The following ANKRD26 variants were observed in gnomAD, a reference collection of about 807,000 sequenced individuals.
ANKRD26 encodes ankyrin repeat domain 26.
A neutral mutation model predicts 208.7 loss-of-function variants in ANKRD26; 141 were observed. The observed-to-expected ratio is 0.68, with a 90% CI of 0.59 to 0.78. The LOEUF (loss-of-function observed/expected upper bound fraction) is 0.78, where lower values mean the gene tolerates loss of function less well. Among genes scored for constraint, ANKRD26 ranks in the 30% least tolerant of loss-of-function variants. The pLI is 0.00. For missense variants in ANKRD26, 1,889 were observed against 1,938.7 expected (o/e 0.97, Z 0.48); for synonymous variants, 636 against 660.4 (o/e 0.96, Z 0.57).
chr10:27,091,969 G>A (rs982394829), intron 4 of ANKRD26, among the ~76,000 whole-genome samples: 1 of 150,308 alleles, frequency 6.7e-6, no homozygotes. Context: ...CCTGAGTGAC[G>A]GGGGAGACTC....
At chr10:27,053,231 G>A in intron 16 of ANKRD26, 89 bp downstream of exon 16, 1 of 934,026 alleles carries the variant, frequency 1.1e-6, no homozygotes. Context: ...TAAAAGGCTA[G>A]TCTGAAAAGT....
chr10:27,097,169 G>A (rs1201868852), intron 1 of ANKRD26, among the ~76,000 whole-genome samples: 2 of 151,608 alleles, frequency 1.3e-5, no homozygotes, highest in Non-Finnish European at 2.9e-5. Flanking sequence ...GCGAAGAAGC[G>A]AGACTTCACC....
At chr10:27,083,873 A>G (rs2056016154) in intron 5 of ANKRD26, among the ~76,000 whole-genome samples, 1 of 152,202 alleles carries the variant, frequency 6.6e-6, no homozygotes, top group East Asian at 1.9e-4. Flanking sequence ...ATTATTTATG[A>G]CTGCTTTCAC....
Position 27,092,436 on chromosome 10 carries a change from G to C in ANKRD26, c.608C>G (p.Ala203Gly), listed in dbSNP as rs754286894. 2 of 1,612,634 alleles carry C rather than the reference G, an allele frequency of 1.2e-6. No homozygotes were observed. Among genetic ancestry groups the C allele is most frequent in the South Asian group, 2.2e-5 (2 of 91,004 alleles). The change falls in exon 4 of 34, where the codon GCA becomes GGA. Residue 203 changes from alanine (A) to glycine (G), a missense_variant. Around this residue, in one of 3 missense-constraint regions of ANKRD26, gnomAD observed 1,272 missense variants for 1,273.8 expected, o/e 1.00. Transcript: ENST00000376087. ...QMVEFLIKKK[A>G]NVNAVDKLES... ...CAACTTATCTACTGCATTTACATTT[G>C]CTTTTTTCTTTATTAAAAATTCCAC...
At chr10:27,088,936 AT>A (rs1216660559) in intron 4 of ANKRD26, among the ~76,000 whole-genome samples, 3 of 152,172 alleles carry the variant, frequency 2.0e-5, no homozygotes, top group African/African-American at 7.2e-5. Context: ...GGAAGGGTCA[AT>A]TTGCTCACTC....
In ANKRD26 at chr10:27,032,635, C is replaced by CAAA. The variant is rs68062291; in HGVS notation, c.3807+587_3807+589dup. 5.5e-3 allele frequency among the ~76,000 whole-genome samples: 746 copies of CAAA among 135,816 alleles called. 2 individuals carry two copies. Among genetic ancestry groups the CAAA allele is most frequent in the Non-Finnish European group, 7.7e-3 (487 of 63,510 alleles). 89.1% of individuals were successfully genotyped at this position (135,816 alleles called of 152,430 possible). A position where few individuals can be genotyped will look rare whatever the true frequency, so the allele number is the denominator to read the frequency against. On this transcript the variant is annotated intron_variant, in intron 25 of 33. Coordinates refer to ENST00000376087, the MANE Select transcript of ANKRD26 (RefSeq NM_014915.3). The stretch of plus-strand genomic sequence containing the variant: ...TGGGCTACAGAGCGAGACTCTGTCT[C>CAAA]AAAAAAAAAACAAAAAACAAAAAAC...
intron 12 of ANKRD26, 82 bp downstream of exon 12, chr10:27,063,906 G>T: frequency 2.7e-6 from 3 of 1,131,462 alleles, no homozygotes; most frequent in Non-Finnish European, 3.9e-6. Context: ...GATTTTCTTC[G>T]GCTATTAGAA....
At chr10:27,092,586 GATCCT>G in intron 3 of ANKRD26, 74 bp from the exon 4 acceptor site, 1 of 1,120,506 alleles carries the variant, frequency 8.9e-7, no homozygotes, top group Non-Finnish European at 1.3e-6. Flanking sequence ...CTCTATGTCA[GATCCT>G]TTGAACTGAA....
chr10:26,995,194 A>C (rs1296564709), intron 4 of ANKRD26: 1 of 470,858 alleles, frequency 2.1e-6, no homozygotes, highest in Non-Finnish European at 4.4e-6. Flanking sequence ...GGATATGATA[A>C]TATTTGGAGA....
downstream of ANKRD26, among the ~76,000 whole-genome samples, chr10:27,002,230 A>G (rs1338595517): frequency 6.6e-6 from 1 of 152,146 alleles, no homozygotes; most frequent in African/African-American, 2.4e-5. Flanking sequence ...AGTGGGAAGC[A>G]CAGCTGCTTA....
At chr10:27,096,545 C>T (rs991263886) in intron 1 of ANKRD26, among the ~76,000 whole-genome samples, 2 of 152,124 alleles carry the variant, frequency 1.3e-5, no homozygotes, top group East Asian at 1.9e-4. Context: ...AGGCAGATCA[C>T]CTGAGGTCAG....
intron 20 of ANKRD26, among the ~76,000 whole-genome samples, chr10:27,041,279 C>T (rs1564381150): frequency 6.6e-6 from 1 of 152,014 alleles, no homozygotes; most frequent in Non-Finnish European, 1.5e-5. Flanking sequence ...CAGAGATCCC[C>T]TCTTGGGTAT....
intron 16 of ANKRD26, chr10:27,052,004 T>TA (rs2135378649): frequency 1.0e-6 from 1 of 985,348 alleles, no homozygotes; most frequent in South Asian, 4.7e-5. Flanking sequence ...AATATACAGA[T>TA]ACATCCTCTC....
At chr10:27,059,553 A>G (rs979390328) in intron 15 of ANKRD26, among the ~76,000 whole-genome samples, 3 of 152,160 alleles carry the variant, frequency 2.0e-5, no homozygotes, top group Admixed American at 6.5e-5. Flanking sequence ...GCATAAAAGG[A>G]CCCCAAAGTC....
At chr10:27,038,653 A>T (rs1589258800) in intron 21 of ANKRD26, among the ~76,000 whole-genome samples, 1 of 151,670 alleles carries the variant, frequency 6.6e-6, no homozygotes, top group Non-Finnish European at 1.5e-5. Context: ...TCCATCTCAA[A>T]AAAAAAAAAA....
At chr10:26,990,585 C>T (rs931146068), downstream of ANKRD26, among the ~76,000 whole-genome samples, 1 of 152,076 alleles carries the variant, frequency 6.6e-6, no homozygotes, top group East Asian at 1.9e-4. Context: ...TAAGTATGTT[C>T]TTATAAGGGG....
At chr10:26,997,407 G>A (rs1212331611) in intron 4 of ANKRD26, among the ~76,000 whole-genome samples, 1 of 152,150 alleles carries the variant, frequency 6.6e-6, no homozygotes, top group Non-Finnish European at 1.5e-5. Flanking sequence ...AGAATACTAG[G>A]AGAGGTGAAA....
At chr10:27,037,002 G>C (rs1166805619) in intron 23 of ANKRD26, among the ~76,000 whole-genome samples, 184 bp downstream of exon 23, 3 of 152,100 alleles carry the variant, frequency 2.0e-5, no homozygotes, top group Non-Finnish European at 4.4e-5. Context: ...GACAAGTGGA[G>C]CTGAATTAAG....
the ANKRD26 span, among the ~76,000 whole-genome samples, chr10:26,954,452 C>G: frequency 1.3e-5 from 2 of 151,890 alleles, no homozygotes; most frequent in Non-Finnish European, 2.9e-5. Context: ...TTATTGTATT[C>G]TTTTAACATA....
Sources: allele counts gnomAD v4.1 joint callset (sites outside exome capture counted in the v4.1 genomes callset), GRCh38; gene constraint gnomAD v4.1.1; regional missense constraint gnomAD v4.1.1; transcripts MANE v1.5; gene names NCBI Gene and HGNC (gene_info 2026-07-23, HGNC 2026-07-21).